ASIC4: variants seen among roughly 807,000 people sequenced by gnomAD.
ASIC4 encodes acid sensing ion channel subunit family member 4, also known as acid-sensing ion channel 4.
In ASIC4, 28 loss-of-function variants were observed where a neutral mutation model predicts 53.4. That is an observed-to-expected ratio of 0.52 (90% confidence interval 0.39 to 0.72). The LOEUF is 0.72. Among genes scored for constraint, ASIC4 ranks in the 30% least tolerant of loss-of-function variants. The pLI, the probability that ASIC4 is intolerant of heterozygous loss-of-function variation, is 0.00. For missense variants in ASIC4, 649 were observed against 729.7 expected (o/e 0.89, Z 1.27); for synonymous variants, 289 against 301.4 (o/e 0.96, Z 0.43).
In ASIC4 at chr2:219,536,769, G is replaced by A. The variant is rs1163064578; in HGVS notation, c.1230-297G>A. Among the ~76,000 whole-genome samples, 1 of 152,032 alleles carries A rather than the reference G, an allele frequency of 6.6e-6. No individual in the cohort carries two copies. The highest frequency in any genetic ancestry group is 1.5e-5 in the Non-Finnish European group (1 of 68,016). On this transcript the variant is annotated intron_variant, in intron 6 of 9. Transcript: ENST00000358078. This position sits in a 1 kb window ranked among gnomAD's most constrained non-coding sequence, Gnocchi z 4.6. ...GGCAACAGGGGTCACTGAAGGGTCC[G>A]CAGAGGCGTAAGGAGGAGGCAAAGG...
At chr2:219,522,282 C>T (rs994351583) in intron 1 of ASIC4, among the ~76,000 whole-genome samples, 1 of 151,954 alleles carries the variant, frequency 6.6e-6, no homozygotes, top group Admixed American at 6.6e-5. Flanking sequence ...AAATCCGTGG[C>T]GCTTGGCTCA....
rs1694813941 is a variant in ASIC4, at chr2:219,517,470, T to C, written c.582+2164T>C. Among the ~76,000 whole-genome samples the C allele has an allele frequency of 6.6e-6, 1 of 152,078 alleles. No individual in the cohort carries two copies. The highest frequency in any genetic ancestry group is 2.4e-5 in the African/African-American group (1 of 41,382). ...CCCTTTGGGATTTCCATTTCCCCTG[T>C]CTCCAGCCCAGCCTCCTACTCTTCT... On this transcript the variant is annotated intron_variant, in intron 1 of 9. Transcript: ENST00000358078. This position sits in a 1 kb window ranked among gnomAD's most constrained non-coding sequence, Gnocchi z 4.2.
chr2:219,515,129 C>T lies in ASIC4; in HGVS notation c.405C>T (p.His135=). 1 of 1,614,196 alleles carries T rather than the reference C, an allele frequency of 6.2e-7. No individual in the cohort carries two copies. The highest frequency in any genetic ancestry group is 2.2e-5 in the East Asian group (1 of 44,880). Residue 135 remains histidine, a synonymous_variant, in exon 1 of 10, where the codon CAC becomes CAT. Coordinates refer to ENST00000358078, the MANE Select transcript of ASIC4 (RefSeq NM_018674.6). ...HSALSDADIF[H]LANLTGLPPK... is the part of the protein sequence containing the mutation. ...CACTCAGCGATGCCGACATCTTCCA[C>T]CTGGCCAATCTGACAGGGCTGCCCC...
chr2:219,515,050 T>C lies in ASIC4; in HGVS notation c.326T>C (p.Val109Ala), dbSNP rs780645754. 5 of 1,613,362 alleles carry C rather than the reference T, an allele frequency of 3.1e-6. No homozygotes were observed. Among genetic ancestry groups the C allele is most frequent in the Non-Finnish European group, 1.7e-6 (2 of 1,179,948 alleles). ...VAMDPAAPAP[V>A]AGFPAVTLCN... is the part of the protein sequence containing the mutation. ...ATGGACCCCGCTGCCCCAGCCCCAG[T>C]GGCGGGCTTCCCGGCTGTCACCCTC... Residue 109 changes from valine (V) to alanine (A), a missense_variant, in exon 1 of 10, where the codon GTG becomes GCG. Coordinates refer to ENST00000358078, the MANE Select transcript of ASIC4 (RefSeq NM_018674.6).
intron 6 of ASIC4, 58 bp downstream of exon 6, chr2:219,535,382 G>A (rs1695116980): frequency 1.3e-6 from 2 of 1,501,332 alleles, no homozygotes; most frequent in Non-Finnish European, 9.0e-7. Flanking sequence ...GTGTGTGTGG[G>A]GGGTGGCTGT....
rs1695111390 is a variant in ASIC4, at chr2:219,535,249, C to T, written c.1154C>T (p.Ser385Phe). 1 of 1,614,030 alleles carries T rather than the reference C, an allele frequency of 6.2e-7. No individual in the cohort carries two copies. Among genetic ancestry groups the T allele is most frequent in the Non-Finnish European group, 8.5e-7 (1 of 1,179,972 alleles). Residue 385 changes from serine (S) to phenylalanine (F), a missense_variant, in exon 6 of 10, where the codon TCC (serine) becomes TTC (phenylalanine). Coordinates refer to ENST00000358078, the MANE Select transcript of ASIC4 (RefSeq NM_018674.6). ...CNLTRYGKEI[S>F]MVRIPNRGSA... ...CTGACACGCTATGGGAAAGAGATCT[C>T]CATGGTCAGGATCCCCAACAGGGGC...
intron 1 of ASIC4, among the ~76,000 whole-genome samples, chr2:219,527,936 C>G (rs1280689304): frequency 6.6e-6 from 1 of 152,352 alleles, no homozygotes. Flanking sequence ...ATGGGTGAGG[C>G]TGAGCTTCAG....
chr2:219,523,016 CTG>C (rs1488820949), intron 1 of ASIC4, among the ~76,000 whole-genome samples: 2 of 152,006 alleles, frequency 1.3e-5, no homozygotes, highest in African/African-American at 4.8e-5. Context: ...GGCGGCCAGG[CTG>C]TGTGTGCGGG....
upstream of ASIC4, among the ~76,000 whole-genome samples, chr2:219,513,206 G>C (rs908410821): frequency 1.9e-4 from 28 of 150,984 alleles, no homozygotes; most frequent in Non-Finnish European, 3.4e-4. Context: ...TCCTCTCCCT[G>C]CTGCTCATTA....
chr2:219,532,593 G>A (rs1235316345), intron 4 of ASIC4, 116 bp downstream of exon 4: 2 of 1,353,140 alleles, frequency 1.5e-6, no homozygotes, highest in Non-Finnish European at 2.0e-6. Context: ...ATGTGTATGT[G>A]TCTGTACCCG....
At chr2:219,535,371 C>T (rs775623667) in intron 6 of ASIC4, 47 bp downstream of exon 6, 60 of 1,461,980 alleles carry the variant, frequency 4.1e-5, no homozygotes, top group Non-Finnish European at 4.6e-5. Context: ...TCTGTGTGTA[C>T]GTGTGTGTGG....
intron 5 of ASIC4, 117 bp from the exon 6 acceptor site, chr2:219,535,054 G>C: frequency 7.0e-7 from 1 of 1,427,182 alleles, no homozygotes; most frequent in Non-Finnish European, 9.4e-7. Context: ...GCCAGTAAAG[G>C]CCCTCAGTGT....
chr2:219,510,003 G>A (rs962003438), upstream of ASIC4, among the ~76,000 whole-genome samples: 6 of 151,896 alleles, frequency 4.0e-5, no homozygotes, highest in Admixed American at 2.0e-4. This position sits in a 1 kb window ranked among gnomAD's most constrained non-coding sequence, Gnocchi z 5.2. Flanking sequence ...TGTGGGGGGC[G>A]GGGGCTCTGT....
chr2:219,536,600 C>A lies in ASIC4; in HGVS notation c.1230-466C>A, dbSNP rs3821042. On this transcript the variant is annotated intron_variant, in intron 6 of 9. Coordinates refer to ENST00000358078, the MANE Select transcript of ASIC4 (RefSeq NM_018674.6). The surrounding 1 kb of genome is among the most constrained non-coding windows in gnomAD (Gnocchi z 4.6). The stretch of plus-strand genomic sequence containing the variant: ...AGGCGTCCAGTGACAGGACGTGGGG[C>A]GGTGGGGTGGTGTGGCGGGGAGCCT... Among the ~76,000 whole-genome samples the A allele has an allele frequency of 0.21, 29,154 of 142,108 alleles. 2,940 individuals are homozygous for A. Among genetic ancestry groups the A allele is most frequent in the Admixed American group, 0.22 (3,101 of 14,336 alleles). The allele number at this position is 142,108 out of a possible 152,430, so 93.2% of individuals were successfully genotyped here.
chr2:219,530,745 A>T (rs893984376), intron 1 of ASIC4, among the ~76,000 whole-genome samples: 6 of 149,228 alleles, frequency 4.0e-5, no homozygotes, highest in African/African-American at 1.3e-4. Context: ...CCGAGGAGAA[A>T]AGGAGTCCAG....
intron 1 of ASIC4, among the ~76,000 whole-genome samples, chr2:219,519,860 G>C (rs1295167391): frequency 6.6e-6 from 1 of 152,132 alleles, no homozygotes; most frequent in East Asian, 1.9e-4. Flanking sequence ...TGTGATCTCA[G>C]GTGGAGCTGA....
At chr2:219,526,691 A>G (rs1694966377) in intron 1 of ASIC4, among the ~76,000 whole-genome samples, 1 of 152,078 alleles carries the variant, frequency 6.6e-6, no homozygotes, top group Non-Finnish European at 1.5e-5. Context: ...GGCCAACACT[A>G]AAGGGGAGGT....
chr2:219,531,628 A>T, intron 1 of ASIC4, 130 bp from the exon 2 acceptor site: 1 of 1,056,166 alleles, frequency 9.5e-7, no homozygotes, highest in Non-Finnish European at 1.4e-6. Flanking sequence ...TGGGCTGTAC[A>T]TTGCTTGCTA....
rs1246195746 is a variant in ASIC4 at position 219,515,094 on chromosome 2, C to T, written c.370C>T (p.Arg124Trp). 6.2e-7 allele frequency: 1 copy of T among 1,614,062 alleles called. No homozygotes were observed. The highest frequency in any genetic ancestry group is 8.5e-7 in the Non-Finnish European group (1 of 1,180,024). Residue 124 changes from arginine (R) to tryptophan (W), a missense_variant, in exon 1 of 10, where the codon CGG becomes TGG. By Grantham distance (101) the Arg-to-Trp change is moderately radical. Coordinates refer to ENST00000358078, the MANE Select transcript of ASIC4 (RefSeq NM_018674.6). ...AVTLCNINRF[R>W]HSALSDADIF... ...CACCCTCTGCAATATCAACCGCTTC[C>T]GGCATTCGGCACTCAGCGATGCCGA...
Sources: allele counts gnomAD v4.1 joint callset (sites outside exome capture counted in the v4.1 genomes callset), GRCh38; gene constraint gnomAD v4.1.1; non-coding constraint Gnocchi (gnomAD v3.1); transcripts MANE v1.5; gene names NCBI Gene and HGNC (gene_info 2026-07-23, HGNC 2026-07-21).